Variants in LHFPL6 observed in about 807,000 individuals in gnomAD.
The protein encoded by LHFPL6 is LHFPL tetraspan subfamily member 6.
In LHFPL6, 9 loss-of-function variants were observed where a neutral mutation model predicts 20.6. That is an observed-to-expected ratio of 0.44 (90% CI 0.26 to 0.76). The LOEUF (loss-of-function observed/expected upper bound fraction) is 0.76. Among genes scored for constraint, LHFPL6 ranks in the 30% least tolerant of loss-of-function variants. The pLI is 0.20. For missense variants in LHFPL6, 218 were observed against 253.5 expected, an observed-to-expected ratio of 0.86 and a Z score of 0.95; for synonymous variants, 105 against 98.7, an observed-to-expected ratio of 1.06 and a Z score of -0.38.
chr13:39,515,654 C>G (rs2138480075), intron 2 of LHFPL6, among the ~76,000 whole-genome samples: 1 of 152,236 alleles, frequency 6.6e-6, no homozygotes, highest in East Asian at 1.9e-4. Context: ...AAAGCAGCTC[C>G]CAGCTATCTG....
intron 3 of LHFPL6, among the ~76,000 whole-genome samples, chr13:39,363,070 T>C (rs918394453): frequency 6.6e-6 from 1 of 152,200 alleles, no homozygotes; most frequent in Admixed American, 6.5e-5. Context: ...AAGGGGTTTT[T>C]CCAGCTGATA....
At chr13:39,358,764 CA>C (rs1182343735) in intron 3 of LHFPL6, among the ~76,000 whole-genome samples, 20 of 152,272 alleles carry the variant, frequency 1.3e-4, no homozygotes, top group African/African-American at 4.8e-4. Flanking sequence ...AGAAGATATA[CA>C]AGCGGCCAAC....
intron 3 of LHFPL6, among the ~76,000 whole-genome samples, chr13:39,357,084 AT>A (rs1183833325): frequency 6.6e-6 from 1 of 152,198 alleles, no homozygotes; most frequent in East Asian, 1.9e-4. Flanking sequence ...AGGTGACAGG[AT>A]GGCTTGAACC....
intron 2 of LHFPL6, among the ~76,000 whole-genome samples, chr13:39,480,604 G>T (rs1868478236): frequency 6.6e-6 from 1 of 152,136 alleles, no homozygotes; most frequent in South Asian, 2.1e-4. Context: ...ATCTTTGTGT[G>T]GGCTGCTCAT....
intron 2 of LHFPL6, among the ~76,000 whole-genome samples, chr13:39,573,217 G>T (rs1871990680): frequency 6.6e-6 from 1 of 152,064 alleles, no homozygotes; most frequent in African/African-American, 2.4e-5. Flanking sequence ...GTGGAATAGA[G>T]ATTCATTCTT....
intron 2 of LHFPL6, among the ~76,000 whole-genome samples, chr13:39,538,032 C>A (rs1870678720): frequency 6.8e-6 from 1 of 147,410 alleles, no homozygotes; most frequent in African/African-American, 2.5e-5. Context: ...ACTCTGTCGC[C>A]CAGGCTGGAG....
chr13:39,600,444 G>C (rs897415120), intron 2 of LHFPL6, among the ~76,000 whole-genome samples: 8 of 152,306 alleles, frequency 5.3e-5, no homozygotes, highest in African/African-American at 1.9e-4. Flanking sequence ...CCACTTTTCT[G>C]TGAAATCTTT....
chr13:39,443,447 T>C (rs1872193463), intron 2 of LHFPL6, among the ~76,000 whole-genome samples: 1 of 152,138 alleles, frequency 6.6e-6, no homozygotes, highest in Admixed American at 6.5e-5. Context: ...CTGTAACAAA[T>C]ACCTGAAAAG....
chr13:39,471,317 T>G (rs1175653525), intron 2 of LHFPL6, among the ~76,000 whole-genome samples: 1 of 152,246 alleles, frequency 6.6e-6, no homozygotes, highest in Non-Finnish European at 1.5e-5. Context: ...CACTGAAGTC[T>G]GTCCCCTCCT....
chr13:39,379,973 T>C (rs534805371), intron 2 of LHFPL6, among the ~76,000 whole-genome samples: 1 of 152,326 alleles, frequency 6.6e-6, no homozygotes, highest in African/African-American at 2.4e-5. Context: ...TGAAGAATAA[T>C]CTAGAAAGAA....
chr13:39,419,689 T>A (rs1226566768), intron 2 of LHFPL6, among the ~76,000 whole-genome samples: 1 of 152,130 alleles, frequency 6.6e-6, no homozygotes, highest in Non-Finnish European at 1.5e-5. Context: ...ATGAAGAAAT[T>A]TTTTTAAAAA....
At position 39,455,172 on chromosome 13, in the gene LHFPL6, A is replaced by G. The variant is rs144843883; in HGVS notation, c.386-76646T>C. ...TAGAAGCCCCCAACTCCCTCGAAAA[A>G]AACCAAGTCAAGTGGTTTCAGCTGT... On this transcript the variant is annotated intron_variant, in intron 2 of 3. Transcript: ENST00000379589. Among the ~76,000 whole-genome samples, 883 of 152,216 alleles carry G rather than the reference A, an allele frequency of 5.8e-3. 9 individuals carry two copies. The highest frequency in any genetic ancestry group is 0.02 in the African/African-American group (833 of 41,536).
chr13:39,401,454 G>A (rs945501086), intron 2 of LHFPL6, among the ~76,000 whole-genome samples: 3 of 152,172 alleles, frequency 2.0e-5, no homozygotes, highest in African/African-American at 7.2e-5. Context: ...GTCTCATGCT[G>A]TCAGATTCAA....
At chr13:39,525,192 C>T (rs1036627656) in intron 2 of LHFPL6, among the ~76,000 whole-genome samples, 4 of 152,104 alleles carry the variant, frequency 2.6e-5, no homozygotes, top group African/African-American at 9.7e-5. Flanking sequence ...TTTCCAATCT[C>T]GATGTCCTAT....
At chr13:39,362,626 AT>A (rs1379784363) in intron 3 of LHFPL6, among the ~76,000 whole-genome samples, 1 of 152,104 alleles carries the variant, frequency 6.6e-6, no homozygotes, top group Non-Finnish European at 1.5e-5. Context: ...TTATTCTGTA[AT>A]TTTCCTCATG....
intron 2 of LHFPL6, among the ~76,000 whole-genome samples, chr13:39,517,115 C>T (rs1279095476): frequency 6.6e-6 from 1 of 152,114 alleles, no homozygotes; most frequent in Non-Finnish European, 1.5e-5. Context: ...GAAAGGGTTG[C>T]CAAATCTCTA....
At chr13:39,503,984 G>A (rs1869383891) in intron 2 of LHFPL6, among the ~76,000 whole-genome samples, 2 of 152,158 alleles carry the variant, frequency 1.3e-5, no homozygotes, top group African/African-American at 4.8e-5. Context: ...GGTAAAATTA[G>A]AAGTTTTGGT....
rs76126140 is a variant in LHFPL6, at chr13:39,500,080, C to T, written c.385+100752G>A. Among the ~76,000 whole-genome samples, 24 of 152,242 alleles carry T rather than the reference C, an allele frequency of 1.6e-4. No individual in the cohort carries two copies. In the East Asian group the frequency reaches 4.6e-3, roughly 29 times the overall value. ...TACCCCCAGATAAGCCAGTTTCTCT[C>T]TGTCTTGACCCCCAAGGTCCTGCCT... On this transcript the variant is annotated intron_variant, in intron 2 of 3. Transcript: ENST00000379589.
intron 2 of LHFPL6, among the ~76,000 whole-genome samples, chr13:39,410,830 T>C (rs9315683): frequency 0.13 from 20,185 of 152,236 alleles, 1,488 homozygotes; most frequent in Non-Finnish European, 0.17. Context: ...CCGAAGGTTA[T>C]TGAATCAAGA....
Sources: allele counts gnomAD v4.1 joint callset (sites outside exome capture counted in the v4.1 genomes callset), GRCh38; gene constraint gnomAD v4.1.1; transcripts MANE v1.5; gene names NCBI Gene and HGNC (gene_info 2026-07-23, HGNC 2026-07-21).